The following UGDH variants were observed in gnomAD, a reference collection of about 807,000 sequenced individuals.
UGDH encodes the protein UDP-glucose 6-dehydrogenase.
A neutral mutation model predicts 50.6 loss-of-function variants in UGDH; 38 were observed. The ratio of observed to expected loss-of-function variants is 0.75; its 90% CI spans 0.58 to 0.98. The LOEUF (loss-of-function observed/expected upper bound fraction) is 0.98. Among genes scored for constraint, UGDH ranks in the 50% least tolerant of loss-of-function variants. The probability of loss-of-function intolerance (pLI) is 0.00; values close to 1 mark genes in which losing one functional copy is unlikely to be tolerated. For synonymous variants in UGDH, 168 were observed against 199.9 expected, an observed-to-expected ratio of 0.84 and a Z score of 1.35; for missense variants, 465 against 606.2, an observed-to-expected ratio of 0.77 and a Z score of 2.45.
chr4:39,504,981 C>T (rs1339504929), intron 9 of UGDH, among the ~76,000 whole-genome samples: 2 of 152,138 alleles, frequency 1.3e-5, no homozygotes, highest in Non-Finnish European at 2.9e-5. Flanking sequence ...AGGCCCCAAA[C>T]CCTGCTTTGG....
intron 2 of UGDH, among the ~76,000 whole-genome samples, chr4:39,515,763 C>T (rs1746417131): frequency 6.6e-6 from 1 of 152,072 alleles, no homozygotes; most frequent in Non-Finnish European, 1.5e-5. Context: ...GCAGTGGCAC[C>T]ATCTCGTCTC....
intron 1 of UGDH, chr4:39,526,908 A>C (rs1746921790): frequency 2.7e-6 from 2 of 738,422 alleles, no homozygotes; most frequent in Admixed American, 3.2e-5. Context: ...CACAAACAAA[A>C]GACTACGACT....
At chr4:39,521,800 T>C (rs1746673530) in intron 1 of UGDH, among the ~76,000 whole-genome samples, 1 of 152,156 alleles carries the variant, frequency 6.6e-6, no homozygotes, top group Non-Finnish European at 1.5e-5. Flanking sequence ...TGACCTAATA[T>C]TTAGAAAGTA....
At chr4:39,510,922 C>A in intron 3 of UGDH, 61 bp from the exon 4 acceptor site, 1 of 1,536,826 alleles carries the variant, frequency 6.5e-7, no homozygotes, top group Non-Finnish European at 9.0e-7. Flanking sequence ...TCAAGATATA[C>A]CCTGAACTAC....
At chr4:39,525,003 C>T (rs1560270262) in intron 1 of UGDH, among the ~76,000 whole-genome samples, 1 of 152,214 alleles carries the variant, frequency 6.6e-6, no homozygotes, top group Non-Finnish European at 1.5e-5. Flanking sequence ...TCTCGCCTTG[C>T]TATTTCCCAT....
chr4:39,525,463 G>A (rs1746837666), intron 1 of UGDH, among the ~76,000 whole-genome samples: 1 of 151,564 alleles, frequency 6.6e-6, no homozygotes, highest in Non-Finnish European at 1.5e-5. Flanking sequence ...CAAAGTGCTG[G>A]GATTACAGGC....
chr4:39,504,346 A>G, intron 10 of UGDH, 71 bp downstream of exon 10: 3 of 1,398,184 alleles, frequency 2.1e-6, no homozygotes, highest in Non-Finnish European at 3.0e-6. Flanking sequence ...ACATACATGA[A>G]CACATACTCA....
At chr4:39,503,742 A>T in intron 11 of UGDH, 133 bp downstream of exon 11, 1 of 656,494 alleles carries the variant, frequency 1.5e-6, no homozygotes, top group Non-Finnish European at 2.5e-6. Flanking sequence ...GTATCATCTT[A>T]ATTAGCCAAA....
At chr4:39,507,753 G>C (rs1401484610) in intron 7 of UGDH, among the ~76,000 whole-genome samples, 1 of 152,114 alleles carries the variant, frequency 6.6e-6, no homozygotes, top group East Asian at 1.9e-4. Context: ...TTTCAGACCA[G>C]CCTGGGCAAT....
At chr4:39,504,332 A>C in intron 10 of UGDH, 85 bp downstream of exon 10, 1 of 1,294,284 alleles carries the variant, frequency 7.7e-7, no homozygotes, top group Admixed American at 2.2e-5. Context: ...AAAAACAAAA[A>C]AACACATACA....
intron 2 of UGDH, among the ~76,000 whole-genome samples, chr4:39,519,397 C>T (rs920829276): frequency 6.6e-6 from 1 of 152,034 alleles, no homozygotes; most frequent in African/African-American, 2.4e-5. Context: ...GAATTCATTA[C>T]TGAATGTTTG....
chr4:39,509,118 G>A (rs1746133900), intron 6 of UGDH, among the ~76,000 whole-genome samples: 1 of 150,680 alleles, frequency 6.6e-6, no homozygotes, highest in Non-Finnish European at 1.5e-5. Flanking sequence ...GGAGCTACAG[G>A]TGTGCACCAT....
At chr4:39,509,036 A>G (rs1461395439) in intron 6 of UGDH, among the ~76,000 whole-genome samples, 1 of 149,950 alleles carries the variant, frequency 6.7e-6, no homozygotes, top group Non-Finnish European at 1.5e-5. Flanking sequence ...GTGTAGGGGT[A>G]TGAACATGGC....
intron 2 of UGDH, among the ~76,000 whole-genome samples, chr4:39,519,219 ATT>A (rs34649850): frequency 3.4e-5 from 5 of 145,958 alleles, no homozygotes; most frequent in Admixed American, 6.9e-5. Flanking sequence ...GCCTGGCCGT[ATT>A]TTTTTTTTTT....
At chr4:39,525,485 C>T (rs1050760483) in intron 1 of UGDH, among the ~76,000 whole-genome samples, 30 of 151,102 alleles carry the variant, frequency 2.0e-4, no homozygotes, top group Non-Finnish European at 4.3e-4. Flanking sequence ...TGAGCCACTG[C>T]GCCCAGCCCC....
chr4:39,523,268 T>G (rs1277963249), intron 1 of UGDH, among the ~76,000 whole-genome samples: 8 of 151,366 alleles, frequency 5.3e-5, no homozygotes, highest in African/African-American at 1.7e-4. Flanking sequence ...CCCAGGCTGG[T>G]CTCGAACTCC....
chr4:39,508,521 A>ACTAT, intron 7 of UGDH, 45 bp downstream of exon 7: 3 of 1,577,276 alleles, frequency 1.9e-6, no homozygotes, highest in Non-Finnish European at 2.6e-6. Context: ...GGTGTGAACC[A>ACTAT]CTATGCCTGG....
intron 3 of UGDH, among the ~76,000 whole-genome samples, chr4:39,512,147 T>C (rs1746272284): frequency 6.6e-6 from 1 of 152,102 alleles, no homozygotes; most frequent in Non-Finnish European, 1.5e-5. Flanking sequence ...GATAGTGAGC[T>C]CTCTAAAAAC....
In UGDH at chr4:39,514,199, G is replaced by A; in HGVS notation, c.163-15C>T. 1 of 1,523,426 alleles carries A rather than the reference G, an allele frequency of 6.6e-7. No individual in the cohort carries two copies. The highest frequency in any genetic ancestry group is 8.8e-7 in the Non-Finnish European group (1 of 1,134,644). 94.4% of individuals were successfully genotyped at this position (1,523,426 alleles called of 1,614,324 possible). ...TTTAGTCCTGGCTAAAAAGAAAAAA[G>A]AAAAGGAATTGTACATATAGCTTGC... On this transcript the variant is annotated splice_polypyrimidine_tract_variant and intron_variant, in intron 2 of 11. Coordinates refer to ENST00000316423, the MANE Select transcript of UGDH (RefSeq NM_003359.4).
Sources: allele counts gnomAD v4.1 joint callset (sites outside exome capture counted in the v4.1 genomes callset), GRCh38; gene constraint gnomAD v4.1.1; transcripts MANE v1.5; gene names NCBI Gene and HGNC (gene_info 2026-07-23, HGNC 2026-07-21).